The following COL25A1 variants were observed in gnomAD, a reference collection of about 807,000 sequenced individuals.
COL25A1 encodes collagen alpha-1(XXV) chain.
Under a neutral mutation model 128.4 loss-of-function variants are expected in COL25A1, and 103 were observed. The ratio of observed to expected loss-of-function variants is 0.80; its 90% CI spans 0.68 to 0.94. The LOEUF (loss-of-function observed/expected upper bound fraction) is 0.94. Among genes scored for constraint, COL25A1 ranks in the 40% least tolerant of loss-of-function variants. The pLI is 0.00. For synonymous variants in COL25A1, 279 were observed against 277.2 expected (o/e 1.01, Z -0.06); for missense variants, 745 against 840.0 (o/e 0.89, Z 1.40).
At chr4:108,888,499 T>C (rs1157056898) in intron 18 of COL25A1, among the ~76,000 whole-genome samples, 1 of 152,324 alleles carries the variant, frequency 6.6e-6, no homozygotes, top group African/African-American at 2.4e-5. Context: ...GATATCCAAA[T>C]GCTCAGACGA....
intron 5 of COL25A1, among the ~76,000 whole-genome samples, chr4:109,015,844 C>G (rs1757158887): frequency 6.6e-6 from 1 of 152,242 alleles, no homozygotes; most frequent in Non-Finnish European, 1.5e-5. Context: ...CTTTAGGCAA[C>G]TAAAGAGCAA....
chr4:109,147,701 C>T (rs997704877), intron 3 of COL25A1, among the ~76,000 whole-genome samples: 3 of 151,706 alleles, frequency 2.0e-5, no homozygotes, highest in African/African-American at 4.8e-5. Context: ...CCTGTAGTCC[C>T]GGCTACTCAG....
At chr4:109,254,252 A>G (rs1780890239) in intron 3 of COL25A1, among the ~76,000 whole-genome samples, 1 of 151,422 alleles carries the variant, frequency 6.6e-6, no homozygotes. Context: ...CTTTTGCCTC[A>G]GTACTCAATT....
intron 3 of COL25A1, among the ~76,000 whole-genome samples, chr4:109,245,564 T>G (rs1249591044): frequency 6.6e-6 from 1 of 152,148 alleles, no homozygotes; most frequent in Non-Finnish European, 1.5e-5. Context: ...CTGAATCTAA[T>G]CATCCAATCA....
chr4:109,206,708 T>C (rs965919485), intron 3 of COL25A1, among the ~76,000 whole-genome samples: 1 of 152,140 alleles, frequency 6.6e-6, no homozygotes, highest in African/African-American at 2.4e-5. Context: ...AACAAAAAGC[T>C]CTCTAAATCA....
chr4:108,849,485 G>A (rs148447748), intron 26 of COL25A1, among the ~76,000 whole-genome samples: 1 of 152,144 alleles, frequency 6.6e-6, no homozygotes, highest in African/African-American at 2.4e-5. Flanking sequence ...AAAATATAGA[G>A]ATTTTTGTTT....
At chr4:109,089,743 C>CT (rs1403209066) in intron 3 of COL25A1, among the ~76,000 whole-genome samples, 1 of 152,040 alleles carries the variant, frequency 6.6e-6, no homozygotes, top group African/African-American at 2.4e-5. Flanking sequence ...ATAGCTGGGA[C>CT]TATAGGTATG....
intron 19 of COL25A1, among the ~76,000 whole-genome samples, chr4:108,874,699 T>C (rs1470594328): frequency 6.6e-6 from 1 of 152,170 alleles, no homozygotes; most frequent in Non-Finnish European, 1.5e-5. Context: ...TGAAAGTGTT[T>C]ATCTTTAAAG....
At chr4:108,983,820 G>C (rs547967568) in intron 6 of COL25A1, among the ~76,000 whole-genome samples, 1 of 152,106 alleles carries the variant, frequency 6.6e-6, no homozygotes, top group African/African-American at 2.4e-5. Flanking sequence ...GCAGACCTTC[G>C]CAGTGAGTGT....
At position 109,043,967 on chromosome 4, in the gene COL25A1, ATG is replaced by A. The variant is rs561512323; in HGVS notation, c.420+4199_420+4200del. On this transcript the variant is annotated intron_variant, in intron 5 of 37. Coordinates refer to ENST00000399132, the MANE Select transcript of COL25A1 (RefSeq NM_198721.4). Reference sequence around the variant, plus strand: ...GAGTCCATTAGAACAATATTCTAATATGTGTTACCTTTATGAGAAAGAAAATA... The same window carrying A: ...GAGTCCATTAGAACAATATTCTAATATGTTACCTTTATGAGAAAGAAAATA... Among the ~76,000 whole-genome samples the A allele has an allele frequency of 4.9e-3, 752 of 152,252 alleles. 6 individuals carry two copies. The highest frequency in any genetic ancestry group is 0.016 in the African/African-American group (655 of 41,546).
At chr4:109,142,283 G>A (rs1318263467) in intron 3 of COL25A1, among the ~76,000 whole-genome samples, 1 of 151,156 alleles carries the variant, frequency 6.6e-6, no homozygotes, top group Non-Finnish European at 1.5e-5. Context: ...TGCAGTCTGA[G>A]AGACTGCTAT....
chr4:109,179,030 A>G (rs1022066460), intron 3 of COL25A1, among the ~76,000 whole-genome samples: 5 of 151,650 alleles, frequency 3.3e-5, no homozygotes, highest in Admixed American at 3.3e-4. Context: ...TTAGACTAGC[A>G]TTTTTAAAAT....
intron 3 of COL25A1, among the ~76,000 whole-genome samples, chr4:109,104,401 A>T (rs201269045): frequency 4.7e-5 from 7 of 150,074 alleles, no homozygotes; most frequent in East Asian, 2.0e-4. Flanking sequence ...AAAGGAAATC[A>T]CTCTCTCTCT....
At chr4:108,846,997 C>T (rs1735192376) in intron 27 of COL25A1, among the ~76,000 whole-genome samples, 1 of 151,344 alleles carries the variant, frequency 6.6e-6, no homozygotes, top group African/African-American at 2.4e-5. Context: ...CCTCCGGCTC[C>T]TGGGTTCAAG....
chr4:108,958,843 T>C (rs1174271837), intron 8 of COL25A1, among the ~76,000 whole-genome samples: 1 of 152,126 alleles, frequency 6.6e-6, no homozygotes, highest in Non-Finnish European at 1.5e-5. Flanking sequence ...CTAATTTTAA[T>C]CTTTGAGCAG....
intron 3 of COL25A1, among the ~76,000 whole-genome samples, chr4:109,281,766 CATTTTGA>C: frequency 6.6e-6 from 1 of 152,282 alleles, no homozygotes; most frequent in East Asian, 1.9e-4. Flanking sequence ...TTAATCTAAT[CATTTTGA>C]AGAAAACTGG....
chr4:108,952,144 T>C (rs11098013), intron 8 of COL25A1, among the ~76,000 whole-genome samples: 6,625 of 152,284 alleles, frequency 0.044, 369 homozygotes, highest in African/African-American at 0.13. Context: ...CTGCATTATA[T>C]ATTATAATTT....
chr4:109,006,222 T>TG (rs962822538), intron 6 of COL25A1, among the ~76,000 whole-genome samples: 38 of 131,594 alleles, frequency 2.9e-4, no homozygotes, highest in East Asian at 2.8e-3. Flanking sequence ...TCTAATTTTG[T>TG]GGGGGGGTGG....
chr4:109,195,838 T>C (rs1279129064), intron 3 of COL25A1, among the ~76,000 whole-genome samples: 2 of 151,926 alleles, frequency 1.3e-5, no homozygotes, highest in Non-Finnish European at 2.9e-5. Context: ...AAGAATAGAG[T>C]ACAGAACAAA....
Sources: gnomAD v4.1 joint callset for allele counts (sites outside exome capture counted in the v4.1 genomes callset) on GRCh38, gnomAD v4.1.1 for gene constraint, MANE v1.5 for transcripts, NCBI Gene and HGNC (gene_info 2026-07-23, HGNC 2026-07-21) for gene names.